Variants in CSMD1 observed in about 807,000 individuals in gnomAD.
CSMD1 encodes CUB and Sushi multiple domains 1, also known as CUB and sushi domain-containing protein 1.
A neutral mutation model predicts 417.5 loss-of-function variants in CSMD1; 213 were observed. The ratio of observed to expected loss-of-function variants is 0.51; its 90% CI spans 0.46 to 0.57. The LOEUF (loss-of-function observed/expected upper bound fraction) is 0.57, where lower values mean the gene tolerates loss of function less well. Ranked by LOEUF, CSMD1 falls within the 20% of genes least tolerant of loss-of-function variation. The pLI is 0.00. For synonymous variants in CSMD1, 2,862 were observed against 1,736.8 expected (o/e 1.65, Z -16.11); for missense variants, 6,923 against 4,529.7 (o/e 1.53, Z -15.17).
At position 3,455,915 on chromosome 8, in the gene CSMD1, T is replaced by C. The variant is rs2117128109; in HGVS notation, c.1561+12797A>G. 2.0e-5 allele frequency among the ~76,000 whole-genome samples: 3 copies of C among 152,126 alleles called. No homozygotes were observed. In the East Asian group the frequency reaches 5.8e-4, roughly 30 times the overall value. On this transcript the variant is annotated intron_variant, in intron 12 of 69. Coordinates refer to ENST00000635120, the MANE Select transcript of CSMD1 (RefSeq NM_033225.6). Reference sequence around the variant, plus strand: ...CTATGCCCTGCCCCCAGAGGTGGAGTCTACAGAGGCAGGCAGGCCTCCTTG... The same window carrying C: ...CTATGCCCTGCCCCCAGAGGTGGAGCCTACAGAGGCAGGCAGGCCTCCTTG...
intron 11 of CSMD1, among the ~76,000 whole-genome samples, chr8:3,483,367 T>G (rs76921126): frequency 0.014 from 2,184 of 152,146 alleles, 76 homozygotes; most frequent in East Asian, 0.13. Context: ...TGTAAATTCA[T>G]AAATTCAACA....
chr8:4,993,831 CG>C (rs1294306531), intron 1 of CSMD1, among the ~76,000 whole-genome samples: 1 of 152,100 alleles, frequency 6.6e-6, no homozygotes, highest in East Asian at 1.9e-4. Context: ...GCGAGGAGGC[CG>C]GGCCGGCGGA....
chr8:3,200,000 G>C (rs1035074477), intron 32 of CSMD1, among the ~76,000 whole-genome samples, 191 bp from the exon 33 acceptor site: 2 of 152,090 alleles, frequency 1.3e-5, no homozygotes, highest in African/African-American at 4.8e-5. Context: ...GGCAAGAATA[G>C]GCAGTGCATT....
In CSMD1 at chr8:3,625,773, C is replaced by G. The variant is rs187307940; in HGVS notation, c.1010-8976G>C. ...CCTATGATCTCAGTAGTTTTGAACACTGCAGATTCTTACAGTCTTTATTTA... is the reference window on the plus strand; with the variant it reads ...CCTATGATCTCAGTAGTTTTGAACAGTGCAGATTCTTACAGTCTTTATTTA... On this transcript the variant is annotated intron_variant, in intron 7 of 69. Coordinates refer to ENST00000635120, the MANE Select transcript of CSMD1 (RefSeq NM_033225.6). Among the ~76,000 whole-genome samples the G allele has an allele frequency of 3.4e-4, 51 of 152,228 alleles. No homozygotes were observed. The East Asian group carries it at 9.7e-3, about 29-fold the overall frequency.
intron 23 of CSMD1, among the ~76,000 whole-genome samples, chr8:3,330,643 G>A (rs770515994): frequency 6.6e-6 from 1 of 152,110 alleles, no homozygotes; most frequent in African/African-American, 2.4e-5. Context: ...ATAACTAATG[G>A]GTACTAGGCT....
chr8:3,660,956 G>A (rs1394017889), intron 7 of CSMD1, among the ~76,000 whole-genome samples: 2 of 152,152 alleles, frequency 1.3e-5, no homozygotes, highest in Non-Finnish European at 2.9e-5. Context: ...AGACTGACAG[G>A]TGTGAAGCAG....
At chr8:4,061,917 T>C (rs892210321) in intron 3 of CSMD1, among the ~76,000 whole-genome samples, 26 of 152,146 alleles carry the variant, frequency 1.7e-4, no homozygotes, top group African/African-American at 5.8e-4. Context: ...ATAAATCAAT[T>C]ATGCATTACT....
intron 21 of CSMD1, among the ~76,000 whole-genome samples, chr8:3,357,421 G>T (rs957632343): frequency 6.6e-6 from 1 of 152,168 alleles, no homozygotes. Context: ...GACTAAACAC[G>T]TTATTACATG....
intron 7 of CSMD1, among the ~76,000 whole-genome samples, chr8:3,676,868 C>G (rs992521261): frequency 6.6e-6 from 1 of 152,042 alleles, no homozygotes; most frequent in African/African-American, 2.4e-5. Flanking sequence ...ATGGATGAAG[C>G]TGGAAACCAT....
At chr8:4,483,609 T>G (rs1276596243) in intron 2 of CSMD1, among the ~76,000 whole-genome samples, 4 of 152,168 alleles carry the variant, frequency 2.6e-5, no homozygotes, top group African/African-American at 9.7e-5. Flanking sequence ...CAAGCATAGG[T>G]GCAGCTAAGA....
chr8:4,510,300 C>G (rs1585182583), intron 2 of CSMD1, among the ~76,000 whole-genome samples: 1 of 142,286 alleles, frequency 7.0e-6, no homozygotes, highest in Non-Finnish European at 1.5e-5. Flanking sequence ...AGCATGAGAA[C>G]AGACTGTTAC....
chr8:3,888,689 C>A (rs1214431508), intron 5 of CSMD1, among the ~76,000 whole-genome samples: 1 of 152,186 alleles, frequency 6.6e-6, no homozygotes, highest in South Asian at 2.1e-4. Context: ...AAAGAGGCTG[C>A]CGGGACAGAG....
intron 2 of CSMD1, among the ~76,000 whole-genome samples, chr8:4,462,061 GA>G (rs1799868836): frequency 6.6e-6 from 1 of 151,560 alleles, no homozygotes; most frequent in South Asian, 2.1e-4. Flanking sequence ...TTTTTATAGG[GA>G]TGAAGTCTCA....
At chr8:4,341,091 A>C (rs192680707) in intron 3 of CSMD1, among the ~76,000 whole-genome samples, 2 of 152,226 alleles carry the variant, frequency 1.3e-5, no homozygotes, top group African/African-American at 4.8e-5. Context: ...ATAGTGAGAG[A>C]ATAGAGATAT....
chr8:3,489,287 A>G (rs1419016605), intron 11 of CSMD1, among the ~76,000 whole-genome samples: 2 of 152,194 alleles, frequency 1.3e-5, no homozygotes, highest in African/African-American at 2.4e-5. Flanking sequence ...TAATCCACAC[A>G]TCTGGTTAGG....
chr8:3,909,107 C>A (rs1301756618), intron 5 of CSMD1, among the ~76,000 whole-genome samples: 1 of 152,124 alleles, frequency 6.6e-6, no homozygotes, highest in African/African-American at 2.4e-5. Context: ...GGGCTGGAGA[C>A]AACTAAAGCA....
intron 3 of CSMD1, among the ~76,000 whole-genome samples, chr8:4,186,371 A>C (rs945913827): frequency 6.6e-6 from 1 of 152,110 alleles, no homozygotes; most frequent in Non-Finnish European, 1.5e-5. Context: ...CTTCGTGTTG[A>C]ATGCAGCATC....
intron 3 of CSMD1, among the ~76,000 whole-genome samples, chr8:4,335,265 C>A (rs186823120): frequency 6.6e-6 from 1 of 152,168 alleles, no homozygotes; most frequent in Non-Finnish European, 1.5e-5. Context: ...ATGACCTAAC[C>A]ACCTCCCAAA....
chr8:3,025,910 T>C (rs1212608740), intron 51 of CSMD1, among the ~76,000 whole-genome samples: 2 of 152,168 alleles, frequency 1.3e-5, no homozygotes, highest in Non-Finnish European at 2.9e-5. Flanking sequence ...TATTTTAAAA[T>C]AATAATAGTT....
Sources: allele counts gnomAD v4.1 joint callset (sites outside exome capture counted in the v4.1 genomes callset), GRCh38; gene constraint gnomAD v4.1.1; transcripts MANE v1.5; gene names NCBI Gene and HGNC (gene_info 2026-07-23, HGNC 2026-07-21).